C1orf87: variants seen among roughly 807,000 people sequenced by gnomAD.
C1orf87 encodes uncharacterized protein C1orf87.
C1orf87 carries 58 observed loss-of-function variants against 60.5 expected under a neutral mutation model. The ratio of observed to expected loss-of-function variants is 0.96; its 90% confidence interval spans 0.78 to 1.19. C1orf87 has a LOEUF of 1.19. Among genes scored for constraint, C1orf87 ranks in the 50% most tolerant of loss-of-function variants. The probability of loss-of-function intolerance (pLI) is 0.00; values close to 1 mark genes in which losing one functional copy is unlikely to be tolerated. For missense variants in C1orf87, 673 were observed against 638.6 expected, an observed-to-expected ratio of 1.05 and a Z score of -0.58; for synonymous variants, 236 against 227.4, an observed-to-expected ratio of 1.04 and a Z score of -0.34.
intron 7 of C1orf87, among the ~76,000 whole-genome samples, chr1:60,027,173 G>C (rs770562482): frequency 6.6e-6 from 1 of 152,174 alleles, no homozygotes; most frequent in African/African-American, 2.4e-5. Flanking sequence ...GCAGGGCTTT[G>C]TTGACCCTGG....
Position 59,997,617 on chromosome 1 carries a change from C to T in C1orf87, c.1472G>A (p.Ser491Asn). The change falls in exon 11 of 12, where the codon AGT becomes AAT. Residue 491 changes from serine to asparagine, a missense_variant. Coordinates refer to ENST00000371201, the MANE Select transcript of C1orf87 (RefSeq NM_152377.3). ...TACAATTCATACTTCACCTGTGTTA[C>T]TCAGATCACACAGGTAGAGGGCATT... ...LENALYLCDL[S>N]NTGVLEKERA... is the part of the protein sequence containing the mutation. 2 of 1,613,530 alleles carry T rather than the reference C, an allele frequency of 1.2e-6. No individual in the cohort carries two copies. Among genetic ancestry groups the T allele is most frequent in the Non-Finnish European group, 1.7e-6 (2 of 1,179,542 alleles).
intron 2 of C1orf87, among the ~76,000 whole-genome samples, chr1:60,066,917 G>C (rs1235824699): frequency 6.6e-6 from 1 of 152,060 alleles, no homozygotes; most frequent in Non-Finnish European, 1.5e-5. Context: ...TTATAAGTGA[G>C]AACATGTGGT....
intron 7 of C1orf87, among the ~76,000 whole-genome samples, chr1:60,031,192 T>A (rs1391023589): frequency 6.6e-6 from 1 of 151,990 alleles, no homozygotes; most frequent in Non-Finnish European, 1.5e-5. Context: ...TGTTCAGGAG[T>A]AAGGGAGTTG....
intron 9 of C1orf87, among the ~76,000 whole-genome samples, chr1:60,004,748 T>C (rs1645030631): frequency 6.6e-6 from 1 of 151,920 alleles, no homozygotes; most frequent in Admixed American, 6.6e-5. Context: ...CAGTTGAAGA[T>C]TTGTACCAGA....
intron 2 of C1orf87, among the ~76,000 whole-genome samples, chr1:60,069,920 A>G (rs1645573592): frequency 6.6e-6 from 1 of 152,174 alleles, no homozygotes; most frequent in South Asian, 2.1e-4. Context: ...ATGTCTTTAT[A>G]AAAAGGGGCA....
chr1:60,003,478 A>T (rs1645022082), intron 9 of C1orf87, among the ~76,000 whole-genome samples: 1 of 152,132 alleles, frequency 6.6e-6, no homozygotes, highest in Admixed American at 6.6e-5. Flanking sequence ...ATAATTTAAA[A>T]AAATCACAAA....
intron 2 of C1orf87, among the ~76,000 whole-genome samples, chr1:60,064,711 T>C (rs1354648818): frequency 3.0e-5 from 3 of 101,118 alleles, no homozygotes; most frequent in African/African-American, 8.0e-5. Context: ...TATTTCAATA[T>C]ATATAAATAT....
At chr1:60,014,891 T>C (rs1365439796) in intron 8 of C1orf87, among the ~76,000 whole-genome samples, 1 of 152,200 alleles carries the variant, frequency 6.6e-6, no homozygotes, top group Non-Finnish European at 1.5e-5. Flanking sequence ...TGAGACATAG[T>C]ATAGAATATT....
intron 9 of C1orf87, among the ~76,000 whole-genome samples, chr1:60,006,428 T>C (rs1645045912): frequency 6.6e-6 from 1 of 152,086 alleles, no homozygotes. Flanking sequence ...AGTATGAGTA[T>C]TTTTTTCCTT....
At chr1:60,028,906 T>C (rs1220027512) in intron 7 of C1orf87, among the ~76,000 whole-genome samples, 5 of 152,162 alleles carry the variant, frequency 3.3e-5, no homozygotes, top group Non-Finnish European at 7.3e-5. Context: ...CTTCTCTTTG[T>C]TTACTACTCC....
intron 11 of C1orf87, among the ~76,000 whole-genome samples, chr1:59,994,724 G>A (rs1201977810): frequency 6.6e-6 from 1 of 152,072 alleles, no homozygotes; most frequent in Non-Finnish European, 1.5e-5. Context: ...TAGAGAATAA[G>A]CACAGTAGGT....
chr1:60,005,233 A>G (rs1645035485), intron 9 of C1orf87, among the ~76,000 whole-genome samples: 1 of 152,106 alleles, frequency 6.6e-6, no homozygotes, highest in African/African-American at 2.4e-5. Context: ...AACTGAGGCA[A>G]TGAATGTTTT....
chr1:60,046,909 T>C (rs1645376056), intron 3 of C1orf87, among the ~76,000 whole-genome samples: 1 of 152,256 alleles, frequency 6.6e-6, no homozygotes, highest in Admixed American at 6.5e-5. Flanking sequence ...TGTAAAATAG[T>C]AGTTAAATCT....
chr1:59,997,885 A>G lies in C1orf87; in HGVS notation c.1273-69T>C, dbSNP rs1027148790. On this transcript the variant is annotated intron_variant, in intron 10 of 11. Coordinates refer to ENST00000371201, the MANE Select transcript of C1orf87 (RefSeq NM_152377.3). ...AGCTTCTCCAATCTCTTGGCCAAAG[A>G]TGAGGCCACACAACTAGCAAGATTT... 25 of 1,445,870 alleles carry G rather than the reference A, an allele frequency of 1.7e-5. No individual in the cohort carries two copies. The Admixed American group carries it at 3.4e-4, about 20-fold the overall frequency. The allele number at this position is 1,445,870 out of a possible 1,614,324, so 89.6% of individuals were successfully genotyped here.
At chr1:60,054,710 AGTTTGTTATGAATT>A (rs1645440327) in intron 3 of C1orf87, among the ~76,000 whole-genome samples, 2 of 152,308 alleles carry the variant, frequency 1.3e-5, no homozygotes, top group South Asian at 4.1e-4. Flanking sequence ...TCATCAAGTT[AGTTTGTTATGAATT>A]GTTTGGTTGA....
chr1:60,020,472 G>T (rs577937378), intron 8 of C1orf87, among the ~76,000 whole-genome samples: 1 of 152,208 alleles, frequency 6.6e-6, no homozygotes, highest in Non-Finnish European at 1.5e-5. Context: ...CAAACCCTTA[G>T]GAGCCCAACC....
chr1:59,993,100 G>C (rs1360918342), intron 11 of C1orf87, among the ~76,000 whole-genome samples: 5 of 152,116 alleles, frequency 3.3e-5, no homozygotes, highest in Non-Finnish European at 7.4e-5. Flanking sequence ...AAATGAGTGA[G>C]GTGTGGTGGC....
intron 7 of C1orf87, 111 bp from the exon 8 acceptor site, chr1:60,025,609 T>C: frequency 3.6e-6 from 3 of 842,078 alleles, no homozygotes; most frequent in Non-Finnish European, 3.5e-6. Flanking sequence ...CTATATTATT[T>C]TGACAAAGAA....
At chr1:60,044,460 G>A (rs1645351572) in intron 3 of C1orf87, among the ~76,000 whole-genome samples, 1 of 152,140 alleles carries the variant, frequency 6.6e-6, no homozygotes, top group African/African-American at 2.4e-5. Context: ...ATATTTATTT[G>A]TTGTATTTTG....
Sources: allele counts gnomAD v4.1 joint callset (sites outside exome capture counted in the v4.1 genomes callset), GRCh38; gene constraint gnomAD v4.1.1; transcripts MANE v1.5; gene names NCBI Gene and HGNC (gene_info 2026-07-23, HGNC 2026-07-21).